The following PCDHA5 variants were observed in gnomAD, a reference collection of about 807,000 sequenced individuals.
PCDHA5 encodes protocadherin alpha-5.
A neutral mutation model predicts 61.6 loss-of-function variants in PCDHA5; 43 were observed. The ratio of observed to expected loss-of-function variants is 0.70; its 90% CI spans 0.55 to 0.90. PCDHA5 has a LOEUF of 0.90. Ranked by LOEUF, PCDHA5 falls within the 40% of genes least tolerant of loss-of-function variation. The pLI is 0.00. For missense variants in PCDHA5, 1,298 were observed against 1,222.7 expected (o/e 1.06, Z -0.92); for synonymous variants, 627 against 543.9 (o/e 1.15, Z -2.13).
chr5:140,832,598 C>T (rs2150202655), intron 1 of PCDHA5, among the ~76,000 whole-genome samples: 1 of 152,134 alleles, frequency 6.6e-6, no homozygotes, highest in African/African-American at 2.4e-5. Flanking sequence ...AGAACTATAG[C>T]GTTGCTAGTG....
intron 1 of PCDHA5, among the ~76,000 whole-genome samples, chr5:140,933,436 A>G (rs1554209364): frequency 6.6e-6 from 1 of 152,102 alleles, no homozygotes; most frequent in Non-Finnish European, 1.5e-5. Flanking sequence ...GGGGCACTCT[A>G]ATGACATACC....
intron 1 of PCDHA5, among the ~76,000 whole-genome samples, chr5:140,839,395 GATT>G (rs2150297688): frequency 0.016 from 1,606 of 98,892 alleles, 28 homozygotes; most frequent in Non-Finnish European, 0.019. Context: ...TGATGATGAT[GATT>G]ATTATTTTTG....
chr5:140,942,572 C>A (rs2093326271), intron 1 of PCDHA5, among the ~76,000 whole-genome samples: 1 of 151,292 alleles, frequency 6.6e-6, no homozygotes, highest in Non-Finnish European at 1.5e-5. Flanking sequence ...AAAAATCTTC[C>A]CATATAGGAT....
In PCDHA5 at chr5:141,011,905, G is replaced by C. The variant is rs1400272126; in HGVS notation, c.*1968G>C. 4 of 153,222 alleles carry C rather than the reference G, an allele frequency of 2.6e-5. No individual in the cohort carries two copies. Among genetic ancestry groups the C allele is most frequent in the African/African-American group, 9.7e-5 (4 of 41,224 alleles). The allele number at this position is 153,222 out of a possible 1,614,324, so 9.5% of individuals were successfully genotyped here. A position where few individuals can be genotyped will look rare whatever the true frequency, so the allele number is the denominator to read the frequency against. ...TTGATTAATTATATTATCTATTTAG[G>C]CATTAATATAAAAGAGGTAGGAGTC... On this transcript the variant is annotated 3_prime_UTR_variant, in exon 4 of 4. Coordinates refer to ENST00000529859, the MANE Select transcript of PCDHA5 (RefSeq NM_018908.3).
chr5:140,995,386 A>G (rs1156268381), intron 3 of PCDHA5, among the ~76,000 whole-genome samples: 1 of 152,202 alleles, frequency 6.6e-6, no homozygotes, highest in Non-Finnish European at 1.5e-5. Context: ...TGGGCAGGAT[A>G]AAGCGGGATG....
chr5:140,869,750 A>T (rs1467855920), intron 1 of PCDHA5: 1 of 1,613,280 alleles, frequency 6.2e-7, no homozygotes, highest in Non-Finnish European at 8.5e-7. Context: ...ACAGCTACAG[A>T]CGGGGGAAAA....
At chr5:140,875,878 A>T in intron 1 of PCDHA5, 1 of 1,614,212 alleles carries the variant, frequency 6.2e-7, no homozygotes, top group Non-Finnish European at 8.5e-7. Flanking sequence ...GTTCAGAGAA[A>T]GGGAACAAAA....
chr5:140,967,665 C>G (rs782126222), intron 1 of PCDHA5: 1 of 1,614,154 alleles, frequency 6.2e-7, no homozygotes. Context: ...AGCAGCTACA[C>G]GTCGGACCGG....
chr5:140,850,918 A>G (rs2150502117), intron 1 of PCDHA5: 3 of 1,529,350 alleles, frequency 2.0e-6, no homozygotes, highest in Non-Finnish European at 2.6e-6. Context: ...TTATTTATTT[A>G]TATAATTTTT....
chr5:140,908,763 G>A (rs1159029668), intron 1 of PCDHA5, among the ~76,000 whole-genome samples: 5 of 152,284 alleles, frequency 3.3e-5, no homozygotes, highest in East Asian at 3.9e-4. Context: ...CAGCCTGGAC[G>A]TGTTGTAGAG....
At chr5:140,842,366 G>C in intron 1 of PCDHA5, 1 of 1,608,006 alleles carries the variant, frequency 6.2e-7, no homozygotes, top group Non-Finnish European at 8.5e-7. Flanking sequence ...TAACGTCCCT[G>C]AGATAGCACT....
chr5:141,007,275 T>C (rs1418814264), intron 3 of PCDHA5, among the ~76,000 whole-genome samples: 2 of 151,338 alleles, frequency 1.3e-5, no homozygotes, highest in Non-Finnish European at 2.9e-5. Context: ...ACAGGCTGGG[T>C]GCAGTGGGCT....
chr5:140,930,092 A>G (rs1554207604), intron 1 of PCDHA5: 1 of 152,204 alleles, frequency 6.6e-6, no homozygotes, highest in East Asian at 1.9e-4. Context: ...ACATCTATTT[A>G]TACTGATAGG....
At position 140,856,860 on chromosome 5, in the gene PCDHA5, G is replaced by A; in HGVS notation, c.2352+32733G>A. 1.3e-6 allele frequency: 2 copies of A among 1,594,690 alleles called. 1 individual carries two copies. On this transcript the variant is annotated intron_variant, in intron 1 of 3. Transcript: ENST00000529859. ...CTCAACGCTTCTGATTCGGATGAAGGAATAAACAAGGAAATGATGTATTCA... is the reference window on the plus strand; with the variant it reads ...CTCAACGCTTCTGATTCGGATGAAGAAATAAACAAGGAAATGATGTATTCA...
chr5:140,871,610 T>C (rs2053222652), intron 1 of PCDHA5: 1 of 1,429,404 alleles, frequency 7.0e-7, no homozygotes, highest in South Asian at 1.5e-5. Context: ...GTTTTGAATA[T>C]TGTTTTAGAT....
In PCDHA5 at chr5:140,822,533, A is replaced by G; in HGVS notation, c.758A>G (p.Asn253Ser). ...KSIYNVRLLE[N>S]APSGTLVIKL... ...ATTTATAATGTCAGATTGTTGGAAA[A>G]TGCACCAAGTGGGACATTAGTTATT... The change falls in exon 1 of 4, where the codon AAT (asparagine) becomes AGT (serine). Residue 253 changes from asparagine to serine, a missense_variant. Asn to Ser is a conservative substitution (Grantham distance 46). Transcript: ENST00000529859. 6.2e-7 allele frequency: 1 copy of G among 1,613,982 alleles called. No homozygotes were observed. The highest frequency in any genetic ancestry group is 8.5e-7 in the Non-Finnish European group (1 of 1,180,010).
rs1554206991 is a variant in PCDHA5, at chr5:140,929,323, A to G, written c.2353-49626A>G. 4 of 1,540,320 alleles carry G rather than the reference A, an allele frequency of 2.6e-6. No homozygotes were observed. In the Admixed American group the frequency reaches 8.1e-5, roughly 31 times the overall value. On this transcript the variant is annotated intron_variant, in intron 1 of 3. Transcript: ENST00000529859. ...AGGGGATCACGCTAATGTCAATGCC[A>G]TGGTAAGCAAATTTTATGGAATTTG...
chr5:140,823,797 G>T lies in PCDHA5; in HGVS notation c.2022G>T (p.Ala674=), dbSNP rs2150129232. 3 of 1,613,840 alleles carry T rather than the reference G, an allele frequency of 1.9e-6. No individual in the cohort carries two copies. The South Asian group carries it at 3.3e-5, about 18-fold the overall frequency. ...VLVSLVESGQ[A]PKASSRASAG... ...TGTCGCTGGTGGAAAGTGGCCAGGC[G>T]CCGAAGGCCTCATCGCGGGCGTCGG... Residue 674 remains alanine, a synonymous_variant, in exon 1 of 4, where the codon GCG becomes GCT. Coordinates refer to ENST00000529859, the MANE Select transcript of PCDHA5 (RefSeq NM_018908.3).
At position 140,851,351 on chromosome 5, in the gene PCDHA5, G is replaced by A. The variant is rs2042034892; in HGVS notation, c.2352+27224G>A. ...GTAGTTCTCTACATTTCTCTGGATG[G>A]AGACTGTGAACATCTGATTGTTCAG... is the stretch of plus-strand genomic sequence containing the variant. On this transcript the variant is annotated intron_variant, in intron 1 of 3. Coordinates refer to ENST00000529859, the MANE Select transcript of PCDHA5 (RefSeq NM_018908.3). The A allele has an allele frequency of 7.2e-6, 7 of 975,904 alleles. 1 individual carries two copies. Among genetic ancestry groups the A allele is most frequent in the Non-Finnish European group, 8.7e-6 (7 of 803,048 alleles). The allele number at this position is 975,904 out of a possible 1,614,324, so 60.5% of individuals were successfully genotyped here. A position where few individuals can be genotyped will look rare whatever the true frequency, so the allele number is the denominator to read the frequency against.
Sources: gnomAD v4.1 joint callset for allele counts (sites outside exome capture counted in the v4.1 genomes callset) on GRCh38, gnomAD v4.1.1 for gene constraint, MANE v1.5 for transcripts, NCBI Gene and HGNC (gene_info 2026-07-23, HGNC 2026-07-21) for gene names.